Variants in VPS13A observed in about 807,000 individuals in gnomAD.
VPS13A encodes intermembrane lipid transfer protein VPS13A.
Under a neutral mutation model 390.9 loss-of-function variants are expected in VPS13A, and 264 were observed. That is an observed-to-expected ratio of 0.68 (90% confidence interval 0.61 to 0.75). The LOEUF (loss-of-function observed/expected upper bound fraction) is 0.75, where lower values mean the gene tolerates loss of function less well. VPS13A is among the 30% of genes least tolerant of loss of function. The pLI is 0.00. For synonymous variants in VPS13A, 1,231 were observed against 1,227.1 expected, an observed-to-expected ratio of 1.00 and a Z score of -0.07; for missense variants, 3,409 against 3,733.9, an observed-to-expected ratio of 0.91 and a Z score of 2.27.
At chr9:77,368,197 T>A (rs1832542733) in intron 62 of VPS13A, 61 bp downstream of exon 62, 4 of 1,331,916 alleles carry the variant, frequency 3.0e-6, no homozygotes, top group Admixed American at 1.9e-5. Flanking sequence ...ACCTTTTGTG[T>A]CTATACATAT....
At chr9:77,373,020 T>C (rs1048821320) in intron 67 of VPS13A, among the ~76,000 whole-genome samples, 122 of 152,254 alleles carry the variant, frequency 8.0e-4, no homozygotes, top group African/African-American at 2.8e-3. Flanking sequence ...TCCATGCTCA[T>C]GGGTAGGAAG....
chr9:77,332,240 T>C, intron 46 of VPS13A, 127 bp downstream of exon 46: 1 of 716,626 alleles, frequency 1.4e-6, no homozygotes, highest in Admixed American at 2.2e-5. Context: ...TAGGTTTCAG[T>C]GCACTTAGAT....
At chr9:77,293,222 CT>C in intron 31 of VPS13A, 118 bp from the exon 32 acceptor site, 1 of 885,510 alleles carries the variant, frequency 1.1e-6, no homozygotes, top group South Asian at 1.7e-5. Context: ...TTGTACTTGG[CT>C]TGTGAATACT....
At chr9:77,325,925 T>G (rs1284046082) in intron 45 of VPS13A, among the ~76,000 whole-genome samples, 2 of 152,222 alleles carry the variant, frequency 1.3e-5, no homozygotes, top group East Asian at 1.9e-4. Flanking sequence ...TGATATTTAT[T>G]ATCACTTTTT....
chr9:77,214,001 C>T (rs947254099), intron 9 of VPS13A, among the ~76,000 whole-genome samples: 21 of 151,402 alleles, frequency 1.4e-4, no homozygotes, highest in Admixed American at 9.2e-4. Flanking sequence ...TATGGCTAGG[C>T]GTGGTGGCTC....
intron 13 of VPS13A, among the ~76,000 whole-genome samples, chr9:77,222,817 T>C (rs1823298180): frequency 6.6e-6 from 1 of 152,176 alleles, no homozygotes; most frequent in Non-Finnish European, 1.5e-5. Flanking sequence ...TCCTTACATA[T>C]TTTAAGTTTG....
At chr9:77,262,603 GC>G (rs1204516967) in intron 23 of VPS13A, among the ~76,000 whole-genome samples, 1 of 151,928 alleles carries the variant, frequency 6.6e-6, no homozygotes, top group Non-Finnish European at 1.5e-5. Flanking sequence ...CCCTCGACAG[GC>G]CCCAGTGTGT....
At chr9:77,357,316 CAAAAAAAAAA>C (rs1156801817) in intron 55 of VPS13A, among the ~76,000 whole-genome samples, 48 of 44,610 alleles carry the variant, frequency 1.1e-3, no homozygotes, top group South Asian at 1.2e-3. Flanking sequence ...GACTCTGTCT[CAAAAAAAAAA>C]AAAAAAAAAA....
chr9:77,325,106 G>A (rs113766299), intron 45 of VPS13A, among the ~76,000 whole-genome samples: 41 of 152,294 alleles, frequency 2.7e-4, no homozygotes, highest in African/African-American at 7.9e-4. Flanking sequence ...AGTACTCACA[G>A]TACCTGGATT....
At chr9:77,346,654 G>C (rs768324054) in intron 52 of VPS13A, among the ~76,000 whole-genome samples, 2 of 152,216 alleles carry the variant, frequency 1.3e-5, no homozygotes, top group Non-Finnish European at 2.9e-5. Context: ...TATGGTTTCA[G>C]GTTCTACATT....
intron 45 of VPS13A, among the ~76,000 whole-genome samples, chr9:77,326,494 A>G (rs1002026126): frequency 3.3e-5 from 5 of 151,410 alleles, no homozygotes; most frequent in East Asian, 1.9e-4. Context: ...TGTGTCTTCA[A>G]TTTCCCTTCT....
chr9:77,373,852 A>G (rs1832929629), intron 67 of VPS13A, among the ~76,000 whole-genome samples: 1 of 152,158 alleles, frequency 6.6e-6, no homozygotes, highest in Non-Finnish European at 1.5e-5. Flanking sequence ...TTCTCAAAAG[A>G]AGACATTTAT....
intron 54 of VPS13A, among the ~76,000 whole-genome samples, chr9:77,354,513 C>T (rs1344351231): frequency 6.6e-6 from 1 of 152,058 alleles, no homozygotes; most frequent in Non-Finnish European, 1.5e-5. Context: ...AATACATGGT[C>T]TCTACCTTTC....
At chr9:77,199,142 TTTAG>T (rs1825178783) in intron 1 of VPS13A, among the ~76,000 whole-genome samples, 1 of 152,188 alleles carries the variant, frequency 6.6e-6, no homozygotes, top group Non-Finnish European at 1.5e-5. Context: ...TTTCCTTTGG[TTTAG>T]TTAATTTTTT....
At position 77,367,431 on chromosome 9, in the gene VPS13A, C is replaced by T. The variant is rs149506537; in HGVS notation, c.8471+559C>T. On this transcript the variant is annotated intron_variant, in intron 61 of 71. Coordinates refer to ENST00000360280, the MANE Select transcript of VPS13A (RefSeq NM_033305.3). ...TCTAGAATTGATTATTAAGAACAGTCGTAAGAATCAATAAGTCCAACACGA... is the reference window on the plus strand; with the variant it reads ...TCTAGAATTGATTATTAAGAACAGTTGTAAGAATCAATAAGTCCAACACGA... 1.4e-3 allele frequency among the ~76,000 whole-genome samples: 217 copies of T among 152,112 alleles called. 1 individual carries two copies. Among genetic ancestry groups the T allele is most frequent in the African/African-American group, 5.0e-3 (207 of 41,494 alleles).
At chr9:77,251,900 A>G (rs150261703) in intron 21 of VPS13A, among the ~76,000 whole-genome samples, 48 of 152,326 alleles carry the variant, frequency 3.2e-4, no homozygotes, top group Middle Eastern at 3.4e-3. Flanking sequence ...ACATTTAAAC[A>G]TTACCTAGAA....
rs116899582 is a variant in VPS13A, at chr9:77,388,429, G to A, written c.9189+6342G>A. On this transcript the variant is annotated intron_variant, in intron 68 of 71. Transcript: ENST00000360280. ...GATTTATTGTCCGGTTTGTTTTAAC[G>A]TGGCAGAATATTTATCATTCTCAAT... is the stretch of plus-strand genomic sequence containing the variant. Among the ~76,000 whole-genome samples the A allele has an allele frequency of 1.8e-3, 270 of 152,186 alleles. 1 individual carries two copies. Among genetic ancestry groups the A allele is most frequent in the Non-Finnish European group, 3.3e-3 (227 of 67,958 alleles).
chr9:77,281,727 G>A, intron 27 of VPS13A, 140 bp from the exon 28 acceptor site: 1 of 459,946 alleles, frequency 2.2e-6, no homozygotes. Context: ...AATTATATGT[G>A]TGTGTATATG....
At chr9:77,397,321 A>G (rs1834156019) in intron 68 of VPS13A, among the ~76,000 whole-genome samples, 1 of 150,572 alleles carries the variant, frequency 6.6e-6, no homozygotes, top group African/African-American at 2.4e-5. Context: ...CATTTTTGCT[A>G]TTTTTTTTTA....
Sources: gnomAD v4.1 joint callset for allele counts (sites outside exome capture counted in the v4.1 genomes callset) on GRCh38, gnomAD v4.1.1 for gene constraint, MANE v1.5 for transcripts, NCBI Gene and HGNC (gene_info 2026-07-23, HGNC 2026-07-21) for gene names.